The following RAB38 variants were observed in gnomAD, a reference collection of about 807,000 sequenced individuals.
RAB38 encodes ras-related protein Rab-38.
RAB38 carries 15 observed loss-of-function variants against 18.4 expected under a neutral mutation model. That is an observed-to-expected ratio of 0.82 (90% confidence interval 0.55 to 1.26). The LOEUF (loss-of-function observed/expected upper bound fraction) is 1.26. Among genes scored for constraint, RAB38 ranks in the 50% most tolerant of loss-of-function variants. The pLI, the probability that RAB38 is intolerant of heterozygous loss-of-function variation, is 0.00. For synonymous variants in RAB38, 101 were observed against 104.4 expected, an observed-to-expected ratio of 0.97 and a Z score of 0.20; for missense variants, 294 against 267.4, an observed-to-expected ratio of 1.10 and a Z score of -0.69.
At chr11:87,819,167 T>C in the RAB38 span, among the ~76,000 whole-genome samples, 1 of 152,198 alleles carries the variant, frequency 6.6e-6, no homozygotes, top group Non-Finnish European at 1.5e-5. Context: ...CCTGTGTATC[T>C]AGTCTTTTAG....
chr11:88,127,578 T>C (rs1006238691), intron 2 of RAB38, among the ~76,000 whole-genome samples: 5 of 152,236 alleles, frequency 3.3e-5, no homozygotes, highest in Admixed American at 2.0e-4. Flanking sequence ...GTGTTTTTTA[T>C]ACCCTCACCT....
At chr11:88,038,553 G>A in the RAB38 span, among the ~76,000 whole-genome samples, 1 of 152,038 alleles carries the variant, frequency 6.6e-6, no homozygotes, top group African/African-American at 2.4e-5. Flanking sequence ...CACTTAGTAG[G>A]TACTAAAAAT....
the RAB38 span, among the ~76,000 whole-genome samples, chr11:88,014,758 G>A: frequency 2.6e-5 from 4 of 152,182 alleles, no homozygotes; most frequent in Admixed American, 2.0e-4. Context: ...GAATGGGTGG[G>A]GACAAATTTG....
chr11:87,954,687 ATAAGG>A, the RAB38 span, among the ~76,000 whole-genome samples: 1 of 152,076 alleles, frequency 6.6e-6, no homozygotes, highest in Non-Finnish European at 1.5e-5. Flanking sequence ...GCAGGACCAG[ATAAGG>A]TATAGGCGAG....
At chr11:87,872,491 T>C in the RAB38 span, among the ~76,000 whole-genome samples, 1 of 151,550 alleles carries the variant, frequency 6.6e-6, no homozygotes, top group African/African-American at 2.4e-5. Context: ...TAGCGTTCAC[T>C]CTTAATTTAC....
At chr11:88,082,573 C>A in the RAB38 span, among the ~76,000 whole-genome samples, 8 of 151,902 alleles carry the variant, frequency 5.3e-5, no homozygotes, top group African/African-American at 1.9e-4. Context: ...CAAGAAAGAG[C>A]AACACGACTA....
chr11:87,836,255 T>C, the RAB38 span, among the ~76,000 whole-genome samples: 1 of 152,194 alleles, frequency 6.6e-6, no homozygotes, highest in Non-Finnish European at 1.5e-5. Flanking sequence ...GAAAACTAAC[T>C]TTGGGTTTTG....
At chr11:88,084,446 T>A in the RAB38 span, among the ~76,000 whole-genome samples, 1 of 151,870 alleles carries the variant, frequency 6.6e-6, no homozygotes, top group South Asian at 2.1e-4. Flanking sequence ...GAACAGCCAC[T>A]GCTACTACAA....
At chr11:88,104,471 G>C in the RAB38 span, among the ~76,000 whole-genome samples, 1 of 152,042 alleles carries the variant, frequency 6.6e-6, no homozygotes, top group Non-Finnish European at 1.5e-5. Flanking sequence ...AAAATCTTTT[G>C]AGCCAGCCAG....
the RAB38 span, among the ~76,000 whole-genome samples, chr11:88,063,613 C>T: frequency 1.5e-4 from 23 of 152,318 alleles, no homozygotes; most frequent in African/African-American, 5.5e-4. Context: ...TCATCTTGAA[C>T]TGTAGTAATC....
At chr11:87,869,913 T>C in the RAB38 span, among the ~76,000 whole-genome samples, 1 of 151,700 alleles carries the variant, frequency 6.6e-6, no homozygotes, top group Non-Finnish European at 1.5e-5. Context: ...ACAAAAGTTC[T>C]ATAGATATGT....
At chr11:87,852,494 G>T in the RAB38 span, among the ~76,000 whole-genome samples, 1 of 151,864 alleles carries the variant, frequency 6.6e-6, no homozygotes, top group African/African-American at 2.4e-5. Context: ...TAAGAAAATG[G>T]TGTTTGTTTC....
At chr11:88,005,827 GT>G in the RAB38 span, among the ~76,000 whole-genome samples, 1 of 151,546 alleles carries the variant, frequency 6.6e-6, no homozygotes, top group Non-Finnish European at 1.5e-5. Flanking sequence ...TGAATATCCA[GT>G]TTTCCCAGCA....
chr11:88,061,636 G>T, the RAB38 span: 1 of 152,220 alleles, frequency 6.6e-6, no homozygotes, highest in African/African-American at 2.4e-5. Flanking sequence ...AACCTTTATT[G>T]TCTATAGGAA....
At chr11:88,097,651 C>T in the RAB38 span, among the ~76,000 whole-genome samples, 1 of 151,800 alleles carries the variant, frequency 6.6e-6, no homozygotes, top group African/African-American at 2.4e-5. Flanking sequence ...AGAAAGAATT[C>T]GAGTTCCTTC....
At chr11:88,013,312 TTTTG>T in the RAB38 span, among the ~76,000 whole-genome samples, 3 of 152,040 alleles carry the variant, frequency 2.0e-5, no homozygotes, top group South Asian at 2.1e-4. Flanking sequence ...GAGGAACATA[TTTTG>T]TTTGTTTTAG....
chr11:88,104,720 C>T, the RAB38 span, among the ~76,000 whole-genome samples: 3 of 152,106 alleles, frequency 2.0e-5, no homozygotes, highest in African/African-American at 7.2e-5. Flanking sequence ...AGCACTATTT[C>T]ATTTACTTGT....
At chr11:88,160,473 C>T (rs148887634) in intron 1 of RAB38, among the ~76,000 whole-genome samples, 27 of 152,180 alleles carry the variant, frequency 1.8e-4, no homozygotes, top group African/African-American at 6.5e-4. Flanking sequence ...CCAGCAATCC[C>T]ATTCTTTTGT....
At chr11:87,851,183 C>T in the RAB38 span, among the ~76,000 whole-genome samples, 4 of 152,198 alleles carry the variant, frequency 2.6e-5, no homozygotes, top group African/African-American at 7.2e-5. Flanking sequence ...CTGAGCCTGA[C>T]TTTAGCATTT....
Sources: gnomAD v4.1 joint callset for allele counts (sites outside exome capture counted in the v4.1 genomes callset) on GRCh38, gnomAD v4.1.1 for gene constraint, MANE v1.5 for transcripts, NCBI Gene and HGNC (gene_info 2026-07-23, HGNC 2026-07-21) for gene names.